The following CTNNA3 variants were observed in gnomAD, a reference collection of about 807,000 sequenced individuals.
CTNNA3 encodes catenin alpha 3.
In CTNNA3, 76 loss-of-function variants were observed where a neutral mutation model predicts 95.7. The ratio of observed to expected loss-of-function variants is 0.79; its 90% CI spans 0.66 to 0.96. The LOEUF is 0.96. CTNNA3 is among the 40% of genes least tolerant of loss of function. CTNNA3 has a pLI of 0.00. For missense variants in CTNNA3, 1,191 were observed against 1,089.8 expected (o/e 1.09, Z -1.31); for synonymous variants, 431 against 374.4 (o/e 1.15, Z -1.74).
chr10:66,915,106 A>AT (rs1225293077), intron 7 of CTNNA3, among the ~76,000 whole-genome samples: 1 of 151,740 alleles, frequency 6.6e-6, no homozygotes, highest in Non-Finnish European at 1.5e-5. Flanking sequence ...TGGAGAGATC[A>AT]TTTTTTGAAA....
At chr10:65,932,536 C>T (rs968277610) in intron 17 of CTNNA3, among the ~76,000 whole-genome samples, 3 of 152,098 alleles carry the variant, frequency 2.0e-5, no homozygotes, top group Non-Finnish European at 4.4e-5. Flanking sequence ...CAGTGCCTTG[C>T]CCAAGGTAAC....
At chr10:66,981,547 A>G (rs546158271) in intron 7 of CTNNA3, among the ~76,000 whole-genome samples, 1 of 152,248 alleles carries the variant, frequency 6.6e-6, no homozygotes, top group African/African-American at 2.4e-5. Context: ...CTTCTGGCCA[A>G]CTTCCATAGC....
intron 11 of CTNNA3, among the ~76,000 whole-genome samples, chr10:66,415,013 C>T (rs1204925709): frequency 6.6e-6 from 1 of 152,058 alleles, no homozygotes; most frequent in Non-Finnish European, 1.5e-5. Flanking sequence ...TGCATGCTCC[C>T]CACCTGCTGT....
chr10:67,624,299 G>C (rs1843951327), intron 2 of CTNNA3, among the ~76,000 whole-genome samples: 1 of 152,104 alleles, frequency 6.6e-6, no homozygotes, highest in Non-Finnish European at 1.5e-5. Context: ...GTAGACTGAA[G>C]TCTGTCAACA....
intron 7 of CTNNA3, among the ~76,000 whole-genome samples, chr10:67,130,979 T>G (rs938952383): frequency 1.3e-5 from 2 of 152,072 alleles, no homozygotes; most frequent in Non-Finnish European, 1.5e-5. Flanking sequence ...AAGATAAATA[T>G]AGGGCATGCA....
intron 5 of CTNNA3, among the ~76,000 whole-genome samples, chr10:67,466,809 T>A (rs1335636341): frequency 2.6e-5 from 4 of 152,352 alleles, no homozygotes; most frequent in Admixed American, 2.6e-4. Flanking sequence ...ACTTTCCCAC[T>A]GATTCTTCAT....
intron 13 of CTNNA3, among the ~76,000 whole-genome samples, chr10:66,267,003 C>T (rs926686784): frequency 6.6e-5 from 10 of 151,846 alleles, no homozygotes; most frequent in Admixed American, 5.9e-4. Context: ...GTCATCTATT[C>T]GATAATTTCT....
intron 1 of CTNNA3, among the ~76,000 whole-genome samples, chr10:67,702,096 C>A (rs1263691775): frequency 2.0e-5 from 3 of 152,118 alleles, no homozygotes; most frequent in Admixed American, 6.5e-5. Context: ...TATATATGCA[C>A]CCAATGCAGG....
At chr10:66,472,502 A>AT (rs1297136710) in intron 11 of CTNNA3, among the ~76,000 whole-genome samples, 1 of 151,898 alleles carries the variant, frequency 6.6e-6, no homozygotes, top group Non-Finnish European at 1.5e-5. Flanking sequence ...TATTTTAGAG[A>AT]TTTTTTATTG....
chr10:67,566,043 G>GTGTATATATATATATA (rs1274109672), intron 3 of CTNNA3, among the ~76,000 whole-genome samples: 14 of 26,958 alleles, frequency 5.2e-4, no homozygotes, highest in South Asian at 4.3e-3. Flanking sequence ...ATGTGTGTGT[G>GTGTATATATATATATA]TATATATATA....
At chr10:67,017,103 A>G (rs540684964) in intron 7 of CTNNA3, among the ~76,000 whole-genome samples, 91 of 152,374 alleles carry the variant, frequency 6.0e-4, no homozygotes, top group African/African-American at 2.1e-3. Context: ...TAATCATTGT[A>G]TAATAAAATA....
chr10:66,730,909 G>C (rs142878339), intron 9 of CTNNA3, among the ~76,000 whole-genome samples: 2 of 152,172 alleles, frequency 1.3e-5, no homozygotes, highest in Non-Finnish European at 2.9e-5. Context: ...ATGCAAAAAT[G>C]CATGTTTATC....
At chr10:66,435,201 A>C (rs1188784630) in intron 11 of CTNNA3, among the ~76,000 whole-genome samples, 1 of 151,900 alleles carries the variant, frequency 6.6e-6, no homozygotes, top group Non-Finnish European at 1.5e-5. Context: ...CTATTGTTTG[A>C]AATAGTTTCA....
At position 65,918,002 on chromosome 10, in the gene CTNNA3, T is replaced by A. The variant is rs978164084; in HGVS notation, c.*2328A>T. The A allele has an allele frequency of 1.2e-4, 18 of 152,138 alleles. No individual in the cohort carries two copies. Among genetic ancestry groups the A allele is most frequent in the Admixed American group, 4.6e-4 (7 of 15,260 alleles). The allele number at this position is 152,138 out of a possible 1,614,324, so 9.4% of individuals were successfully genotyped here. A position where few individuals can be genotyped will look rare whatever the true frequency, so the allele number is the denominator to read the frequency against. On this transcript the variant is annotated 3_prime_UTR_variant, in exon 18 of 18. Transcript: ENST00000433211. Reference sequence around the variant, plus strand: ...CTATCGATTACCACAGCAGATTAACTCCTAGGATATTCATTGAGTTAAAAT... The same window carrying A: ...CTATCGATTACCACAGCAGATTAACACCTAGGATATTCATTGAGTTAAAAT...
intron 7 of CTNNA3, among the ~76,000 whole-genome samples, chr10:66,957,391 TAC>T (rs1458937988): frequency 7.2e-4 from 10 of 13,852 alleles, no homozygotes; most frequent in African/African-American, 1.5e-3. Context: ...TGTATATATA[TAC>T]ATATATATAT....
At chr10:66,766,792 T>A (rs900368364) in intron 8 of CTNNA3, among the ~76,000 whole-genome samples, 1 of 152,216 alleles carries the variant, frequency 6.6e-6, no homozygotes, top group East Asian at 1.9e-4. Flanking sequence ...AATTATAGAA[T>A]GTTTTCTACC....
chr10:66,689,716 A>G (rs1314392460), intron 9 of CTNNA3, among the ~76,000 whole-genome samples: 1 of 152,190 alleles, frequency 6.6e-6, no homozygotes, highest in Non-Finnish European at 1.5e-5. Context: ...CTTCTAAATC[A>G]TAAATAACAA....
intron 11 of CTNNA3, among the ~76,000 whole-genome samples, chr10:66,465,265 C>T (rs534519965): frequency 1.3e-5 from 2 of 151,828 alleles, no homozygotes; most frequent in South Asian, 2.1e-4. Context: ...TGAAATATCC[C>T]TCTTGGGGGA....
chr10:66,271,731 A>C (rs1344903858), intron 13 of CTNNA3, among the ~76,000 whole-genome samples: 1 of 151,880 alleles, frequency 6.6e-6, no homozygotes, highest in African/African-American at 2.4e-5. Flanking sequence ...GTGCAGGACT[A>C]GACTGCATCA....
Sources: gnomAD v4.1 joint callset for allele counts (sites outside exome capture counted in the v4.1 genomes callset) on GRCh38, gnomAD v4.1.1 for gene constraint, MANE v1.5 for transcripts, NCBI Gene and HGNC (gene_info 2026-07-23, HGNC 2026-07-21) for gene names.